Variants in VWA8 observed in about 807,000 individuals in gnomAD.
VWA8 encodes the protein von Willebrand factor A domain containing 8.
VWA8 carries 221 observed loss-of-function variants against 241.5 expected under a neutral mutation model. The ratio of observed to expected loss-of-function variants is 0.91; its 90% CI spans 0.82 to 1.02. The LOEUF is 1.02. Among genes scored for constraint, VWA8 ranks in the 50% least tolerant of loss-of-function variants. The pLI is 0.00. For missense variants in VWA8, 2,322 were observed against 2,328.7 expected, an observed-to-expected ratio of 1.00 and a Z score of 0.06; for synonymous variants, 852 against 827.1, an observed-to-expected ratio of 1.03 and a Z score of -0.52.
intron 2 of VWA8, among the ~76,000 whole-genome samples, chr13:41,944,375 T>C (rs1253011477): frequency 6.6e-6 from 1 of 152,102 alleles, no homozygotes; most frequent in African/African-American, 2.4e-5. Flanking sequence ...CTTTTCTTTT[T>C]TCTTTTATTG....
At position 41,961,037 on chromosome 13, in the gene VWA8, G is replaced by T; in HGVS notation, c.-22C>A. 1 of 1,356,608 alleles carries T rather than the reference G, an allele frequency of 7.4e-7. No individual in the cohort carries two copies. The highest frequency in any genetic ancestry group is 9.4e-7 in the Non-Finnish European group (1 of 1,061,172). The allele number at this position is 1,356,608 out of a possible 1,614,324, so 84.0% of individuals were successfully genotyped here. ...GCATGGCGCCGGGGGGGCTGTCGGG[G>T]ACGGCGAGGGGGCTCGGGGATCGAG... On this transcript the variant is annotated 5_prime_UTR_variant, in exon 1 of 45. Transcript: ENST00000379310.
intron 2 of VWA8, among the ~76,000 whole-genome samples, chr13:41,940,126 T>A (rs568940387): frequency 6.6e-6 from 1 of 152,208 alleles, no homozygotes; most frequent in Non-Finnish European, 1.5e-5. Flanking sequence ...GCTTTGCTAC[T>A]AATTAATCAG....
At chr13:41,616,648 G>A (rs2044621847) in intron 37 of VWA8, among the ~76,000 whole-genome samples, 1 of 152,194 alleles carries the variant, frequency 6.6e-6, no homozygotes, top group South Asian at 2.1e-4. Flanking sequence ...TTTCTGTGTT[G>A]ATGAAAATGT....
intron 26 of VWA8, among the ~76,000 whole-genome samples, chr13:41,709,284 T>C (rs557442435): frequency 6.6e-6 from 1 of 152,318 alleles, no homozygotes; most frequent in East Asian, 1.9e-4. Flanking sequence ...AATCCATCAG[T>C]TCTGCCACCT....
intron 24 of VWA8, among the ~76,000 whole-genome samples, chr13:41,722,561 T>C (rs1216134016): frequency 6.6e-6 from 1 of 152,194 alleles, no homozygotes; most frequent in Non-Finnish European, 1.5e-5. Flanking sequence ...GCTTTTCAAA[T>C]ACAAAGGTGA....
intron 8 of VWA8, 146 bp downstream of exon 8, chr13:41,885,774 T>C (rs1344996195): frequency 1.4e-5 from 9 of 627,148 alleles, no homozygotes; most frequent in Non-Finnish European, 2.2e-5. Context: ...TACAGTTTAC[T>C]GCACTGCACA....
Position 41,690,506 on chromosome 13 carries a change from A to G in VWA8, c.3867-231T>C, listed in dbSNP as rs34064748. ...GTGAGGCAAAAATCCAATGCTTCCT[A>G]TAAGAGAAAGGGTTGTGGGGAGGGG... On this transcript the variant is annotated intron_variant, in intron 32 of 44. Coordinates refer to ENST00000379310, the MANE Select transcript of VWA8 (RefSeq NM_015058.2). Among the ~76,000 whole-genome samples the G allele has an allele frequency of 3.8e-3, 574 of 152,184 alleles. 1 individual carries two copies. The highest frequency in any genetic ancestry group is 0.016 in the South Asian group (77 of 4,826).
chr13:41,631,802 T>C (rs1432559617), intron 37 of VWA8, among the ~76,000 whole-genome samples: 2 of 151,994 alleles, frequency 1.3e-5, no homozygotes, highest in African/African-American at 4.8e-5. Flanking sequence ...TGTAGGTGAG[T>C]GTCAAAAACA....
At chr13:41,655,816 TG>T (rs1285006439) in intron 37 of VWA8, among the ~76,000 whole-genome samples, 1 of 152,260 alleles carries the variant, frequency 6.6e-6, no homozygotes, top group Admixed American at 6.5e-5. Context: ...AAAATACATT[TG>T]TATAGTCTAT....
intron 1 of VWA8, chr13:41,955,730 T>C (rs1176927268): frequency 1.3e-5 from 2 of 152,202 alleles, no homozygotes; most frequent in South Asian, 2.1e-4. Flanking sequence ...GGAGTCCTTA[T>C]GTAATGAATT....
chr13:41,573,466 C>A (rs1352867450), intron 43 of VWA8, among the ~76,000 whole-genome samples: 1 of 102,634 alleles, frequency 9.7e-6, no homozygotes, highest in African/African-American at 5.2e-5. Context: ...AACAGGGTGG[C>A]TATAGTTTAA....
intron 26 of VWA8, among the ~76,000 whole-genome samples, chr13:41,705,701 T>A (rs1388941151): frequency 6.6e-6 from 1 of 152,202 alleles, no homozygotes; most frequent in Non-Finnish European, 1.5e-5. Flanking sequence ...TTGCTTGATA[T>A]TAATTTCTTC....
intron 37 of VWA8, among the ~76,000 whole-genome samples, chr13:41,661,455 T>G (rs1747719401): frequency 6.6e-6 from 1 of 152,176 alleles, no homozygotes; most frequent in Non-Finnish European, 1.5e-5. Context: ...ATTGTAGAAC[T>G]ACTAACTCTG....
chr13:41,854,043 G>C (rs1872635921), intron 12 of VWA8, among the ~76,000 whole-genome samples: 1 of 152,116 alleles, frequency 6.6e-6, no homozygotes, highest in Non-Finnish European at 1.5e-5. Flanking sequence ...AACAGTTGCT[G>C]AAGAGTCAGT....
At chr13:41,888,430 G>C (rs781505613) in intron 5 of VWA8, among the ~76,000 whole-genome samples, 1 of 152,032 alleles carries the variant, frequency 6.6e-6, no homozygotes, top group East Asian at 1.9e-4. Flanking sequence ...ACCAGTACAC[G>C]CCCGTCCCCT....
At chr13:41,765,025 T>C (rs1381053953) in intron 20 of VWA8, among the ~76,000 whole-genome samples, 1 of 151,912 alleles carries the variant, frequency 6.6e-6, no homozygotes, top group African/African-American at 2.4e-5. Flanking sequence ...GAGAAATGAA[T>C]ATATTTAAGA....
intron 17 of VWA8, among the ~76,000 whole-genome samples, chr13:41,806,804 G>A (rs1383810479): frequency 2.6e-5 from 4 of 152,046 alleles, no homozygotes; most frequent in African/African-American, 4.8e-5. Context: ...CTTGATCCCT[G>A]GAAGGGGAGA....
chr13:41,656,845 T>TA (rs1205545188), intron 37 of VWA8, among the ~76,000 whole-genome samples: 1 of 152,052 alleles, frequency 6.6e-6, no homozygotes, highest in African/African-American at 2.4e-5. Flanking sequence ...TCAAAACCAC[T>TA]AAAAAATAAA....
intron 17 of VWA8, among the ~76,000 whole-genome samples, chr13:41,792,610 G>A (rs1869510212): frequency 6.6e-6 from 1 of 151,852 alleles, no homozygotes; most frequent in Non-Finnish European, 1.5e-5. Flanking sequence ...ATACTTCCAT[G>A]CCAATTTTGA....
Sources: allele counts gnomAD v4.1 joint callset (sites outside exome capture counted in the v4.1 genomes callset), GRCh38; gene constraint gnomAD v4.1.1; transcripts MANE v1.5; gene names NCBI Gene and HGNC (gene_info 2026-07-23, HGNC 2026-07-21).